ANKH: variants seen among roughly 807,000 people sequenced by gnomAD.
The protein encoded by ANKH is ANKH inorganic pyrophosphate transport regulator.
Under a neutral mutation model 49.0 loss-of-function variants are expected in ANKH, and 15 were observed. The observed-to-expected ratio is 0.31, with a 90% confidence interval of 0.20 to 0.47. ANKH has a LOEUF of 0.47. Ranked by LOEUF, ANKH falls within the 20% of genes least tolerant of loss-of-function variation. The pLI is 1.00. For missense variants in ANKH, 429 were observed against 652.0 expected (o/e 0.66, Z 3.72); for synonymous variants, 273 against 260.0 (o/e 1.05, Z -0.48).
chr5:14,770,677 T>A lies in ANKH; in HGVS notation c.97-1486A>T, dbSNP rs1739404140. 6.6e-6 allele frequency among the ~76,000 whole-genome samples: 1 copy of A among 152,310 alleles called. No individual in the cohort carries two copies. Among genetic ancestry groups the A allele is most frequent in the Admixed American group, 6.5e-5 (1 of 15,302 alleles). The stretch of plus-strand genomic sequence containing the variant: ...CATGCAATTTAAAACTTATGAATTG[T>A]TTATTTCTGGAACTTTCCATTTAAT... On this transcript the variant is annotated intron_variant, in intron 1 of 11. Coordinates refer to ENST00000284268, the MANE Select transcript of ANKH (RefSeq NM_054027.6). This position sits in a 1 kb window ranked among gnomAD's most constrained non-coding sequence, Gnocchi z 4.1.
intron 1 of ANKH, among the ~76,000 whole-genome samples, chr5:14,842,672 A>G (rs569195405): frequency 6.6e-6 from 1 of 152,254 alleles, no homozygotes; most frequent in South Asian, 2.1e-4. Context: ...CACTCACCCA[A>G]GTTTCTTGGG....
At position 14,805,105 on chromosome 5, in the gene ANKH, G is replaced by A. The variant is rs565015023; in HGVS notation, c.97-35914C>T. ...TGAACATTTGAGTCAGTGGGCTGGGGAAGGCAGACCCACCCTTAATCTGGT... is the reference window on the plus strand; with the variant it reads ...TGAACATTTGAGTCAGTGGGCTGGGAAAGGCAGACCCACCCTTAATCTGGT... On this transcript the variant is annotated intron_variant, in intron 1 of 11. Coordinates refer to ENST00000284268, the MANE Select transcript of ANKH (RefSeq NM_054027.6). Among the ~76,000 whole-genome samples, 42 of 152,216 alleles carry A rather than the reference G, an allele frequency of 2.8e-4. No individual in the cohort carries two copies. In the Middle Eastern group the frequency reaches 0.01, roughly 37 times the overall value.
At chr5:14,757,431 T>TATATATATC (rs1491137786) in intron 3 of ANKH, among the ~76,000 whole-genome samples, 9 of 106,736 alleles carry the variant, frequency 8.4e-5, no homozygotes, top group Non-Finnish European at 1.1e-4. Context: ...TATATATATA[T>TATATATATC]TTTTTTTTTT....
chr5:14,867,088 T>C (rs1735667055), intron 1 of ANKH, among the ~76,000 whole-genome samples: 1 of 139,864 alleles, frequency 7.1e-6, no homozygotes, highest in Admixed American at 8.0e-5. Context: ...GCCTGGGAAA[T>C]GGTGGCTGCA....
At position 14,820,085 on chromosome 5, in the gene ANKH, A is replaced by C. The variant is rs1309509770; in HGVS notation, c.97-50894T>G. Among the ~76,000 whole-genome samples, 8 of 152,208 alleles carry C rather than the reference A, an allele frequency of 5.3e-5. No individual in the cohort carries two copies. The East Asian group carries it at 1.3e-3, about 26-fold the overall frequency. On this transcript the variant is annotated intron_variant, in intron 1 of 11. Transcript: ENST00000284268. ...TTCAGACTAGAGAAACCAGTATTTT[A>C]TAAGAAAGTATTTTATAAAATTTTA...
At chr5:14,832,447 C>G (rs1241017254) in intron 1 of ANKH, among the ~76,000 whole-genome samples, 1 of 152,076 alleles carries the variant, frequency 6.6e-6, no homozygotes, top group Non-Finnish European at 1.5e-5. Flanking sequence ...ACTCAATAAC[C>G]GAAGTCAATT....
At chr5:14,862,283 A>G (rs1335481650) in intron 1 of ANKH, among the ~76,000 whole-genome samples, 3 of 152,220 alleles carry the variant, frequency 2.0e-5, no homozygotes, top group Admixed American at 6.5e-5. Context: ...AAGCAACTAC[A>G]TAGGAGAAAC....
intron 9 of ANKH, 97 bp downstream of exon 9, chr5:14,716,609 A>G: frequency 6.5e-7 from 1 of 1,543,812 alleles, no homozygotes; most frequent in Non-Finnish European, 8.9e-7. Flanking sequence ...GAAATTTTAC[A>G]TTTGTGTTGG....
chr5:14,774,587 A>G (rs1163517336), intron 1 of ANKH, among the ~76,000 whole-genome samples: 2 of 151,998 alleles, frequency 1.3e-5, no homozygotes, highest in African/African-American at 4.8e-5. Context: ...ACAGGCACCC[A>G]CCACAACGCC....
intron 8 of ANKH, among the ~76,000 whole-genome samples, chr5:14,724,852 T>C (rs926132790): frequency 1.1e-4 from 16 of 152,198 alleles, no homozygotes; most frequent in Admixed American, 2.0e-4. Context: ...TGCTCGGGTC[T>C]TATTTAATTT....
chr5:14,707,693 A>T lies in ANKH; in HGVS notation c.*3504T>A, dbSNP rs1332056588. 1.3e-5 allele frequency: 2 copies of T among 152,034 alleles called. No individual in the cohort carries two copies. 9.4% of individuals were successfully genotyped at this position (152,034 alleles called of 1,614,324 possible). On this transcript the variant is annotated 3_prime_UTR_variant, in exon 12 of 12. Transcript: ENST00000284268. ...GGTTATTTATTGGGAAGACTCAGAGAGTGAAGTATAAAGTGCTTTTACTAT... is the reference window on the plus strand; with the variant it reads ...GGTTATTTATTGGGAAGACTCAGAGTGTGAAGTATAAAGTGCTTTTACTAT...
chr5:14,860,934 C>G (rs966622433), intron 1 of ANKH, among the ~76,000 whole-genome samples: 1 of 151,998 alleles, frequency 6.6e-6, no homozygotes, highest in Non-Finnish European at 1.5e-5. Flanking sequence ...AGGCGCCCAC[C>G]ACCACACCCG....
chr5:14,793,948 G>A (rs1740290245), intron 1 of ANKH, among the ~76,000 whole-genome samples: 1 of 152,228 alleles, frequency 6.6e-6, no homozygotes, highest in South Asian at 2.1e-4. Context: ...AAGAAGTAAT[G>A]CTATCCACTG....
At chr5:14,768,704 C>T in intron 2 of ANKH, 2 of 536,692 alleles carry the variant, frequency 3.7e-6, no homozygotes, top group South Asian at 4.2e-5. Context: ...TTGGCCTTAC[C>T]AAATGTTATT....
At chr5:14,748,659 C>T (rs569501105) in intron 6 of ANKH, among the ~76,000 whole-genome samples, 2 of 152,294 alleles carry the variant, frequency 1.3e-5, no homozygotes, top group East Asian at 1.9e-4. Flanking sequence ...GTGGTGGTGA[C>T]GGGTCAGGTG....
At chr5:14,807,929 CT>C (rs1740755141) in intron 1 of ANKH, among the ~76,000 whole-genome samples, 1 of 152,146 alleles carries the variant, frequency 6.6e-6, no homozygotes, top group African/African-American at 2.4e-5. Flanking sequence ...AACTTTAAGT[CT>C]TTCTTTCTTC....
intron 11 of ANKH, 102 bp downstream of exon 11, chr5:14,712,772 C>G (rs1737275197): frequency 2.6e-6 from 3 of 1,157,832 alleles, no homozygotes; most frequent in Non-Finnish European, 3.8e-6. Flanking sequence ...CAAGGATCCC[C>G]CACTGACGAA....
intron 1 of ANKH, among the ~76,000 whole-genome samples, chr5:14,835,568 G>A (rs183078359): frequency 8.5e-5 from 13 of 152,250 alleles, no homozygotes; most frequent in South Asian, 6.2e-4. Flanking sequence ...GTTACTATGC[G>A]TTTCTGGCTG....
chr5:14,793,257 A>G (rs187735139), intron 1 of ANKH, among the ~76,000 whole-genome samples: 148 of 151,258 alleles, frequency 9.8e-4, no homozygotes, highest in African/African-American at 3.5e-3. Flanking sequence ...CCTGACATCT[A>G]AGGGTTCTGG....
Sources: gnomAD v4.1 joint callset for allele counts (sites outside exome capture counted in the v4.1 genomes callset) on GRCh38, gnomAD v4.1.1 for gene constraint, Gnocchi (gnomAD v3.1) non-coding constraint, MANE v1.5 for transcripts, NCBI Gene and HGNC (gene_info 2026-07-23, HGNC 2026-07-21) for gene names.